Variants in SCHIP1 observed in about 807,000 individuals in gnomAD.
The protein encoded by SCHIP1 is schwannomin interacting protein 1, also known as schwannomin-interacting protein 1.
A neutral mutation model predicts 29.7 loss-of-function variants in SCHIP1; 8 were observed. That is an observed-to-expected ratio of 0.27 (90% confidence interval 0.16 to 0.49). The LOEUF is 0.49. Among genes scored for constraint, SCHIP1 ranks in the 20% least tolerant of loss-of-function variants. The pLI is 0.99. For synonymous variants in SCHIP1, 76 were observed against 94.9 expected (o/e 0.80, Z 1.16); for missense variants, 193 against 294.6 (o/e 0.66, Z 2.52).
the SCHIP1 span, among the ~76,000 whole-genome samples, chr3:159,369,866 C>G: frequency 3.3e-5 from 5 of 152,104 alleles, no homozygotes; most frequent in Non-Finnish European, 7.4e-5. Flanking sequence ...TCAACTGGTC[C>G]TAGACATAAG....
chr3:159,879,482 T>C (rs6808281), intron 2 of SCHIP1, among the ~76,000 whole-genome samples: 9,577 of 152,206 alleles, frequency 0.063, 428 homozygotes, highest in African/African-American at 0.13. Context: ...AATAGTAAAA[T>C]GCCTGGCACT....
chr3:159,745,304 C>T, the SCHIP1 span, among the ~76,000 whole-genome samples: 38 of 152,146 alleles, frequency 2.5e-4, no homozygotes, highest in Non-Finnish European at 4.6e-4. Flanking sequence ...GCCTCCATTT[C>T]TCAAGGAGCC....
At chr3:159,749,518 T>C in the SCHIP1 span, among the ~76,000 whole-genome samples, 1 of 152,200 alleles carries the variant, frequency 6.6e-6, no homozygotes, top group African/African-American at 2.4e-5. Context: ...GTGTTCATCA[T>C]GCTCCCAGCT....
the SCHIP1 span, among the ~76,000 whole-genome samples, chr3:159,505,804 C>T: frequency 3.3e-5 from 5 of 152,240 alleles, no homozygotes; most frequent in South Asian, 2.1e-4. Flanking sequence ...AATGAAATCA[C>T]CATTTTTTAT....
chr3:159,456,064 A>G, the SCHIP1 span, among the ~76,000 whole-genome samples: 35 of 152,100 alleles, frequency 2.3e-4, no homozygotes, highest in Non-Finnish European at 3.2e-4. Flanking sequence ...CAACCTAATA[A>G]AATAACTTAA....
At chr3:159,324,051 T>G in the SCHIP1 span, among the ~76,000 whole-genome samples, 1 of 152,138 alleles carries the variant, frequency 6.6e-6, no homozygotes, top group Non-Finnish European at 1.5e-5. Flanking sequence ...CAACCTGGCT[T>G]CCTGCAAGTC....
chr3:159,533,688 A>G, the SCHIP1 span, among the ~76,000 whole-genome samples: 1 of 152,178 alleles, frequency 6.6e-6, no homozygotes. Context: ...TGATTTGGTC[A>G]TAGTTCCAAG....
At chr3:159,764,826 C>G in the SCHIP1 span, 3 of 1,588,308 alleles carry the variant, frequency 1.9e-6, no homozygotes, top group South Asian at 1.1e-5. The surrounding 1 kb of genome is among the most constrained non-coding windows in gnomAD (Gnocchi z 6.1). Context: ...CGGTGCCCAA[C>G]GGCAACCTCC....
chr3:159,345,623 C>T, the SCHIP1 span, among the ~76,000 whole-genome samples: 1 of 151,854 alleles, frequency 6.6e-6, no homozygotes, highest in East Asian at 1.9e-4. Context: ...TTGTGAGGTA[C>T]CACCGATCCT....
chr3:159,431,021 G>A, the SCHIP1 span, among the ~76,000 whole-genome samples: 4 of 152,146 alleles, frequency 2.6e-5, no homozygotes, highest in African/African-American at 9.7e-5. Flanking sequence ...TTAGGACCAG[G>A]ACCTTCAATA....
At chr3:159,519,389 T>G in the SCHIP1 span, among the ~76,000 whole-genome samples, 1 of 152,166 alleles carries the variant, frequency 6.6e-6, no homozygotes, top group Non-Finnish European at 1.5e-5. Flanking sequence ...ACTTCGAGGA[T>G]CTAGTGAAAG....
At chr3:159,419,288 TA>T in the SCHIP1 span, among the ~76,000 whole-genome samples, 30 of 152,308 alleles carry the variant, frequency 2.0e-4, no homozygotes, top group South Asian at 3.9e-3. Context: ...GAGGGAGGAC[TA>T]GAGGTGCTGT....
At chr3:159,296,077 C>T in the SCHIP1 span, among the ~76,000 whole-genome samples, 1 of 151,598 alleles carries the variant, frequency 6.6e-6, no homozygotes, top group Admixed American at 6.6e-5. Context: ...TAATGTCATT[C>T]CCGAGAGAGG....
At chr3:159,694,443 T>A in the SCHIP1 span, among the ~76,000 whole-genome samples, 1 of 151,440 alleles carries the variant, frequency 6.6e-6, no homozygotes, top group Non-Finnish European at 1.5e-5. Context: ...TCACTTCAAC[T>A]GTGAGACGGA....
the SCHIP1 span, among the ~76,000 whole-genome samples, chr3:159,643,081 G>T: frequency 6.6e-6 from 1 of 151,862 alleles, no homozygotes; most frequent in Admixed American, 6.6e-5. Flanking sequence ...TTATGTGCTG[G>T]GTATTGTAAA....
the SCHIP1 span, among the ~76,000 whole-genome samples, chr3:159,342,327 A>G: frequency 1.3e-5 from 2 of 152,332 alleles, no homozygotes; most frequent in South Asian, 2.1e-4. Context: ...CCTGATTTAG[A>G]TAAAGCTAAG....
At chr3:159,342,615 T>C in the SCHIP1 span, among the ~76,000 whole-genome samples, 33 of 152,316 alleles carry the variant, frequency 2.2e-4, no homozygotes, top group East Asian at 6.0e-3. Flanking sequence ...CCGCTTTTTA[T>C]TACTCAGACA....
the SCHIP1 span, chr3:159,764,339 AG>A: frequency 7.3e-7 from 1 of 1,375,150 alleles, no homozygotes; most frequent in Non-Finnish European, 9.7e-7. This position sits in a 1 kb window ranked among gnomAD's most constrained non-coding sequence, Gnocchi z 6.1. Flanking sequence ...CCTCTGACCC[AG>A]CGGGCGCAGG....
chr3:159,887,077 C>G (rs987817333), intron 3 of SCHIP1: 6 of 153,140 alleles, frequency 3.9e-5, no homozygotes, highest in African/African-American at 1.4e-4. Flanking sequence ...GGTGGGTACA[C>G]AGCCAAACCA....
Sources: allele counts gnomAD v4.1 joint callset (sites outside exome capture counted in the v4.1 genomes callset), GRCh38; gene constraint gnomAD v4.1.1; non-coding constraint Gnocchi (gnomAD v3.1); transcripts MANE v1.5; gene names NCBI Gene and HGNC (gene_info 2026-07-23, HGNC 2026-07-21).